EYS: variants seen among roughly 807,000 people sequenced by gnomAD.
The protein encoded by EYS is protein eyes shut homolog.
A neutral mutation model predicts 282.1 loss-of-function variants in EYS; 250 were observed. The observed-to-expected ratio is 0.89, with a 90% CI of 0.80 to 0.98. The LOEUF (loss-of-function observed/expected upper bound fraction) is 0.98, where lower values mean the gene tolerates loss of function less well. Among genes scored for constraint, EYS ranks in the 50% least tolerant of loss-of-function variants. EYS has a pLI of 0.00. For missense variants in EYS, 4,016 were observed against 3,709.0 expected (o/e 1.08, Z -2.15); for synonymous variants, 1,355 against 1,282.9 (o/e 1.06, Z -1.20).
intron 22 of EYS, among the ~76,000 whole-genome samples, chr6:64,672,187 A>G (rs894920921): frequency 6.6e-6 from 1 of 152,144 alleles, no homozygotes; most frequent in Non-Finnish European, 1.5e-5. Context: ...CTGATGCCCT[A>G]GTCTCTGATT....
chr6:64,629,310 G>A (rs150643844), intron 22 of EYS, among the ~76,000 whole-genome samples: 3 of 152,170 alleles, frequency 2.0e-5, no homozygotes, highest in African/African-American at 7.2e-5. Context: ...AAGTTGCTTT[G>A]CACATCCCAC....
At chr6:65,480,995 T>G (rs926049587) in intron 5 of EYS, among the ~76,000 whole-genome samples, 14 of 152,120 alleles carry the variant, frequency 9.2e-5, no homozygotes, top group African/African-American at 3.1e-4. Context: ...GTTTGGTTAC[T>G]GGATACAAAA....
At chr6:65,255,995 G>A (rs1145944) in intron 12 of EYS, among the ~76,000 whole-genome samples, 3,977 of 152,016 alleles carry the variant, frequency 0.026, 167 homozygotes, top group African/African-American at 0.091. Flanking sequence ...ATCCTGTGCT[G>A]GATAAATATT....
At chr6:64,433,710 T>G (rs866223030) in intron 28 of EYS, among the ~76,000 whole-genome samples, 1 of 152,046 alleles carries the variant, frequency 6.6e-6, no homozygotes, top group South Asian at 2.1e-4. Flanking sequence ...AGTGACATTT[T>G]GTAATAAAGA....
At chr6:64,806,283 T>C (rs1158713765) in intron 22 of EYS, among the ~76,000 whole-genome samples, 1 of 151,806 alleles carries the variant, frequency 6.6e-6, no homozygotes, top group East Asian at 1.9e-4. Context: ...TAGTTGAAAA[T>C]GGTTATTGTA....
chr6:65,232,043 T>C (rs1766796272), intron 12 of EYS, among the ~76,000 whole-genome samples: 2 of 152,016 alleles, frequency 1.3e-5, no homozygotes, highest in Admixed American at 6.6e-5. Context: ...TATTTATCTA[T>C]AAAATACACT....
Position 64,674,208 on chromosome 6 carries a change from G to A in EYS, c.3444-47963C>T, listed in dbSNP as rs530498166. On this transcript the variant is annotated intron_variant, in intron 22 of 42. Transcript: ENST00000503581. ...CCATCTCTTTTATTGGCAGAGGAGA[G>A]AAGCAGTACAAATATCCTTGGAATG... 5.1e-4 allele frequency among the ~76,000 whole-genome samples: 78 copies of A among 152,152 alleles called. 1 individual carries two copies. The highest frequency in any genetic ancestry group is 6.8e-3 in the Middle Eastern group (2 of 294).
At chr6:64,532,932 T>C (rs1488462166) in intron 26 of EYS, among the ~76,000 whole-genome samples, 2 of 152,062 alleles carry the variant, frequency 1.3e-5, no homozygotes, top group Non-Finnish European at 2.9e-5. Context: ...TAGGGATTCT[T>C]AAATAACTGT....
intron 15 of EYS, 113 bp downstream of exon 15, chr6:64,945,680 G>T (rs1769262563): frequency 3.0e-6 from 3 of 994,666 alleles, no homozygotes; most frequent in Admixed American, 2.8e-5. Context: ...CTTCATTGCT[G>T]GATGGTTATT....
Position 64,727,987 on chromosome 6 carries a change from C to T in EYS, c.3443+85391G>A, listed in dbSNP as rs780428554. On this transcript the variant is annotated intron_variant, in intron 22 of 42. Transcript: ENST00000503581. ...AAGCAGGAAATTTCCCTGACCCCTTCACGGGTGGAAACTGGAATGCATGGG... is the reference window on the plus strand; with the variant it reads ...AAGCAGGAAATTTCCCTGACCCCTTTACGGGTGGAAACTGGAATGCATGGG... Among the ~76,000 whole-genome samples, 15 of 152,178 alleles carry T rather than the reference C, an allele frequency of 9.9e-5. 1 individual carries two copies.
chr6:64,001,659 T>A (rs1166820908), intron 33 of EYS, among the ~76,000 whole-genome samples: 1 of 152,192 alleles, frequency 6.6e-6, no homozygotes, highest in Non-Finnish European at 1.5e-5. Flanking sequence ...CTTAATTAAT[T>A]AAATCAAGTA....
intron 35 of EYS, among the ~76,000 whole-genome samples, chr6:63,965,874 T>A (rs1766283147): frequency 6.6e-6 from 1 of 152,164 alleles, no homozygotes; most frequent in Non-Finnish European, 1.5e-5. Context: ...AAAAGAATCA[T>A]GGGCATTTTA....
intron 28 of EYS, among the ~76,000 whole-genome samples, chr6:64,411,788 CAGTGAGCTATGATTACGAGTGTATATGA>C (rs1773899383): frequency 6.8e-6 from 1 of 147,484 alleles, no homozygotes; most frequent in African/African-American, 2.5e-5. Flanking sequence ...TTTGAGGCTG[CAGTGAGCTATGATTACGAGTGTATATGA>C]ATATACACAT....
At chr6:64,363,599 T>C (rs972260879) in intron 29 of EYS, among the ~76,000 whole-genome samples, 93 of 151,946 alleles carry the variant, frequency 6.1e-4, no homozygotes, top group African/African-American at 2.2e-3. Flanking sequence ...ACTTGTTTTT[T>C]TGTAATGTGC....
At chr6:65,583,549 G>T (rs1356861056) in intron 2 of EYS, among the ~76,000 whole-genome samples, 1 of 151,872 alleles carries the variant, frequency 6.6e-6, no homozygotes, top group Non-Finnish European at 1.5e-5. Flanking sequence ...AACTCCATCT[G>T]GTCACTGACA....
At chr6:64,896,584 A>T (rs902811267) in intron 18 of EYS, among the ~76,000 whole-genome samples, 2 of 151,600 alleles carry the variant, frequency 1.3e-5, no homozygotes, top group Admixed American at 6.6e-5. Flanking sequence ...TGGCACCTGA[A>T]ACACCAGCAA....
At chr6:63,835,451 CT>C (rs1771780301) in intron 36 of EYS, among the ~76,000 whole-genome samples, 1 of 151,958 alleles carries the variant, frequency 6.6e-6, no homozygotes, top group East Asian at 1.9e-4. Context: ...ACTATTAATT[CT>C]TTCGTTCTTT....
chr6:64,787,297 T>C (rs1230353522), intron 22 of EYS, among the ~76,000 whole-genome samples: 1 of 152,194 alleles, frequency 6.6e-6, no homozygotes, highest in Non-Finnish European at 1.5e-5. Flanking sequence ...TTTGGATTCA[T>C]TATTTGATTC....
intron 5 of EYS, among the ~76,000 whole-genome samples, chr6:65,484,085 A>G (rs1366758095): frequency 6.6e-6 from 1 of 151,996 alleles, no homozygotes; most frequent in Non-Finnish European, 1.5e-5. Context: ...CATCTTTTAA[A>G]TGTGATGCTT....
Sources: gnomAD v4.1 joint callset for allele counts (sites outside exome capture counted in the v4.1 genomes callset) on GRCh38, gnomAD v4.1.1 for gene constraint, MANE v1.5 for transcripts, NCBI Gene and HGNC (gene_info 2026-07-23, HGNC 2026-07-21) for gene names.